CERS5: variants seen among roughly 807,000 people sequenced by gnomAD.
CERS5 encodes LAG1 homolog, ceramide synthase 5.
Under a neutral mutation model 58.9 loss-of-function variants are expected in CERS5, and 37 were observed. The observed-to-expected ratio is 0.63, with a 90% CI of 0.48 to 0.83. The LOEUF (loss-of-function observed/expected upper bound fraction) is 0.83. CERS5 is among the 40% of genes least tolerant of loss of function. The pLI, the probability that CERS5 is intolerant of heterozygous loss-of-function variation, is 0.00. For synonymous variants in CERS5, 147 were observed against 177.8 expected (o/e 0.83, Z 1.38); for missense variants, 398 against 489.3 (o/e 0.81, Z 1.76).
At chr12:50,148,042 C>T (rs1048245989) in intron 1 of CERS5, among the ~76,000 whole-genome samples, 1 of 151,914 alleles carries the variant, frequency 6.6e-6, no homozygotes, top group Non-Finnish European at 1.5e-5. Context: ...GTGGCTAATG[C>T]CTGTTATCCT....
In CERS5 at chr12:50,130,582, T is replaced by C; in HGVS notation, c.1142A>G (p.Asn381Ser). The change falls in exon 10 of 10, where the codon AAT becomes AGT. Residue 381 changes from asparagine (N) to serine (S), a missense_variant. Transcript: ENST00000317551. ...CCAGTAGCTGCCTCCCATGTGACCA[T>C]TCACCCGATTGGCACCATTGCTGGA... Reference protein sequence around the residue: ...SSSSNGANRVNGHMGGSYWAE... With the variant: ...SSSSNGANRVSGHMGGSYWAE... 2 of 1,612,250 alleles carry C rather than the reference T, an allele frequency of 1.2e-6. No homozygotes were observed. The highest frequency in any genetic ancestry group is 1.7e-6 in the Non-Finnish European group (2 of 1,178,422).
intron 9 of CERS5, among the ~76,000 whole-genome samples, chr12:50,131,779 G>A (rs1004956342): frequency 6.6e-6 from 1 of 151,928 alleles, no homozygotes; most frequent in African/African-American, 2.4e-5. Flanking sequence ...AAACTATCCT[G>A]CATATCAAGC....
chr12:50,142,703 T>C (rs111615441), intron 3 of CERS5, among the ~76,000 whole-genome samples: 4 of 151,944 alleles, frequency 2.6e-5, no homozygotes, highest in African/African-American at 9.7e-5. Flanking sequence ...AAATGAAAAA[T>C]AGTATTTCCC....
rs546337650 is a variant in CERS5, at chr12:50,167,350, C to T, written c.-53G>A. 5.5e-6 allele frequency: 8 copies of T among 1,453,974 alleles called. No individual in the cohort carries two copies. The highest frequency in any genetic ancestry group is 5.4e-5 in the East Asian group (2 of 36,716). 90.1% of individuals were successfully genotyped at this position (1,453,974 alleles called of 1,614,324 possible). A position where few individuals can be genotyped will look rare whatever the true frequency, so the allele number is the denominator to read the frequency against. On this transcript the variant is annotated 5_prime_UTR_variant, in exon 1 of 10. Transcript: ENST00000317551. ...CCACAAGCGTCAGCTGCCGCCACAGCCAACGGAACCCGCGGGGAGGCGGCC... is the reference window on the plus strand; with the variant it reads ...CCACAAGCGTCAGCTGCCGCCACAGTCAACGGAACCCGCGGGGAGGCGGCC...
Position 50,130,690 on chromosome 12 carries a change from G to A in CERS5, c.1034C>T (p.Ser345Leu), listed in dbSNP as rs1010363124. The change falls in exon 10 of 10, where the codon TCG (serine) becomes TTG (leucine). Residue 345 changes from serine to leucine, a missense_variant. Coordinates refer to ENST00000317551, the MANE Select transcript of CERS5 (RefSeq NM_147190.5). ...CTCCACATCACTGCGATCATCCTTC[G>A]ATACCTGGGTGGGATGAGACCAAAG... ...ALKALIRGKV[S>L]KDDRSDVESS... 4.4e-6 allele frequency: 7 copies of A among 1,584,794 alleles called. No individual in the cohort carries two copies. The highest frequency in any genetic ancestry group is 1.1e-5 in the South Asian group (1 of 89,328).
At chr12:50,164,810 G>A (rs1289018324) in intron 1 of CERS5, among the ~76,000 whole-genome samples, 1 of 152,126 alleles carries the variant, frequency 6.6e-6, no homozygotes, top group South Asian at 2.1e-4. Flanking sequence ...CAAGAGATAC[G>A]TAAGTTTATA....
intron 3 of CERS5, 120 bp downstream of exon 3, chr12:50,142,954 T>G (rs1952053996): frequency 2.7e-6 from 3 of 1,094,404 alleles, no homozygotes. Flanking sequence ...TAGGCTGAGT[T>G]AGTTCTCTAT....
chr12:50,159,484 T>C (rs1472535503), intron 1 of CERS5, among the ~76,000 whole-genome samples: 1 of 152,242 alleles, frequency 6.6e-6, no homozygotes, highest in Non-Finnish European at 1.5e-5. Flanking sequence ...AAAAAGTGTA[T>C]CAAATGTGAA....
chr12:50,146,476 A>C (rs967538852), intron 1 of CERS5, among the ~76,000 whole-genome samples: 16 of 152,186 alleles, frequency 1.1e-4, no homozygotes, highest in African/African-American at 3.9e-4. Flanking sequence ...TAGAATTGTC[A>C]TTAGCTCACA....
intron 9 of CERS5, chr12:50,133,535 T>C: frequency 1.0e-6 from 1 of 987,536 alleles, no homozygotes; most frequent in Non-Finnish European, 1.2e-6. Context: ...CACACACCAC[T>C]TCTAGGCAAC....
chr12:50,138,244 C>T (rs1013478326), intron 5 of CERS5, among the ~76,000 whole-genome samples: 1 of 152,100 alleles, frequency 6.6e-6, no homozygotes, highest in Non-Finnish European at 1.5e-5. Context: ...AAAAAAGACA[C>T]CTGAACCAGA....
rs1485419753 is a variant in CERS5 at position 50,130,727 on chromosome 12, A to G, written c.1030-33T>C. ...GGATGAGACCAAAGACAGAAAAGTG[A>G]GGAAAGAACTGTAAGACACCTAAGC... On this transcript the variant is annotated intron_variant, in intron 9 of 9. Transcript: ENST00000317551. 3 of 1,543,730 alleles carry G rather than the reference A, an allele frequency of 1.9e-6. No homozygotes were observed. The East Asian group carries it at 6.9e-5, about 36-fold the overall frequency.
chr12:50,138,272 C>G (rs1402060807), intron 5 of CERS5, among the ~76,000 whole-genome samples: 1 of 152,062 alleles, frequency 6.6e-6, no homozygotes, highest in Non-Finnish European at 1.5e-5. Flanking sequence ...TCATTAAATA[C>G]CAGAAACTTG....
At chr12:50,142,927 T>C in intron 3 of CERS5, 147 bp downstream of exon 3, 1 of 862,378 alleles carries the variant, frequency 1.2e-6, no homozygotes, top group African/African-American at 1.7e-5. Flanking sequence ...TCCAGTTCCC[T>C]TCTTTCCTAC....
intron 1 of CERS5, among the ~76,000 whole-genome samples, chr12:50,162,380 C>T (rs370437494): frequency 1.3e-5 from 2 of 152,104 alleles, no homozygotes; most frequent in East Asian, 1.9e-4. Context: ...TATGTTGCAA[C>T]CTCTGAAAAG....
chr12:50,161,869 C>CTTTTTTTTTTTTTTTTTTTTTTTT (rs765766688), intron 1 of CERS5, among the ~76,000 whole-genome samples: 1 of 67,306 alleles, frequency 1.5e-5, no homozygotes, highest in Non-Finnish European at 2.5e-5. Flanking sequence ...TGTTCTTCTT[C>CTTTTTTTTTTTTTTTTTTTTTTTT]TTTTTTTTTT....
At chr12:50,133,491 C>A in intron 9 of CERS5, 1 of 991,008 alleles carries the variant, frequency 1.0e-6, no homozygotes. Context: ...TTGAATATCA[C>A]AGCATGGTCA....
intron 8 of CERS5, 75 bp from the exon 9 acceptor site, chr12:50,134,777 T>G: frequency 7.3e-7 from 1 of 1,366,366 alleles, no homozygotes; most frequent in Non-Finnish European, 1.0e-6. Context: ...GTCCTGGGGA[T>G]GCAGAGCCCT....
chr12:50,140,473 TAG>T (rs1951913980), intron 4 of CERS5, among the ~76,000 whole-genome samples: 1 of 151,856 alleles, frequency 6.6e-6, no homozygotes, highest in Admixed American at 6.6e-5. Flanking sequence ...TTAGTAGAGA[TAG>T]AGTTTTGCCC....
Sources: allele counts gnomAD v4.1 joint callset (sites outside exome capture counted in the v4.1 genomes callset), GRCh38; gene constraint gnomAD v4.1.1; transcripts MANE v1.5; gene names NCBI Gene and HGNC (gene_info 2026-07-23, HGNC 2026-07-21).